Variants in RAPGEF6 observed in about 807,000 individuals in gnomAD.
The protein encoded by RAPGEF6 is Rap guanine nucleotide exchange factor 6.
A neutral mutation model predicts 171.4 loss-of-function variants in RAPGEF6; 56 were observed. That is an observed-to-expected ratio of 0.33 (90% CI 0.26 to 0.41). The LOEUF is 0.41. RAPGEF6 is among the 10% of genes least tolerant of loss of function. The probability of loss-of-function intolerance (pLI) is 1.00; values close to 1 mark genes in which losing one functional copy is unlikely to be tolerated. For synonymous variants in RAPGEF6, 692 were observed against 650.1 expected, an observed-to-expected ratio of 1.06 and a Z score of -0.98; for missense variants, 1,674 against 1,921.4, an observed-to-expected ratio of 0.87 and a Z score of 2.41.
chr5:131,553,627 G>A (rs1300515240), intron 5 of RAPGEF6, among the ~76,000 whole-genome samples: 3 of 152,080 alleles, frequency 2.0e-5, no homozygotes, highest in Admixed American at 2.0e-4. Flanking sequence ...AAATGAAAAT[G>A]TTAGAAACAA....
intron 3 of RAPGEF6, among the ~76,000 whole-genome samples, chr5:131,600,470 C>T (rs571428400): frequency 1.9e-4 from 29 of 150,108 alleles, no homozygotes; most frequent in Admixed American, 1.5e-3. Context: ...TGTAGTAAGC[C>T]GAGATCGCGC....
At chr5:131,579,929 A>G (rs1225552738) in intron 4 of RAPGEF6, among the ~76,000 whole-genome samples, 1 of 152,218 alleles carries the variant, frequency 6.6e-6, no homozygotes, top group Non-Finnish European at 1.5e-5. Context: ...TAGACATAAA[A>G]GTTCTCCAAG....
intron 19 of RAPGEF6, among the ~76,000 whole-genome samples, chr5:131,457,912 T>C (rs1753631815): frequency 1.3e-5 from 2 of 152,298 alleles, no homozygotes; most frequent in African/African-American, 2.4e-5. Flanking sequence ...AAAATTAGAT[T>C]GTTTAACTCA....
intron 15 of RAPGEF6, 97 bp downstream of exon 15, chr5:131,489,449 C>CT (rs1756135664): frequency 4.3e-6 from 3 of 700,420 alleles, no homozygotes; most frequent in Non-Finnish European, 7.2e-6. Context: ...TAGACAAAAA[C>CT]ATGTTTATAT....
At chr5:131,438,222 T>C (rs1198434312) in intron 24 of RAPGEF6, among the ~76,000 whole-genome samples, 1 of 152,232 alleles carries the variant, frequency 6.6e-6, no homozygotes, top group African/African-American at 2.4e-5. Context: ...ACTCCTGACC[T>C]CAGGCGATCC....
At chr5:131,440,263 G>C (rs1366656332) in intron 23 of RAPGEF6, 6 of 456,032 alleles carry the variant, frequency 1.3e-5, no homozygotes, top group Non-Finnish European at 2.6e-5. Context: ...AAAAAATCAT[G>C]AATGTATAGA....
chr5:131,580,788 TCTGA>T (rs1265876112), intron 4 of RAPGEF6, among the ~76,000 whole-genome samples: 2 of 152,136 alleles, frequency 1.3e-5, no homozygotes, highest in Non-Finnish European at 2.9e-5. Flanking sequence ...CATTTCCAGT[TCTGA>T]CTGACACAAG....
rs552648968 is a variant in RAPGEF6, at chr5:131,561,329, A to G, written c.351+649T>C. Among the ~76,000 whole-genome samples, 322 of 152,290 alleles carry G rather than the reference A, an allele frequency of 2.1e-3. 2 individuals are homozygous for G. The highest frequency in any genetic ancestry group is 7.5e-3 in the African/African-American group (313 of 41,566). On this transcript the variant is annotated intron_variant, in intron 5 of 27. Transcript: ENST00000509018. ...CTAGGGCACAGACTATAGAATTCAAAGTTTATTGAAAAAGTAAAATTGAAT... is the reference window on the plus strand; with the variant it reads ...CTAGGGCACAGACTATAGAATTCAAGGTTTATTGAAAAAGTAAAATTGAAT...
intron 23 of RAPGEF6, 27 bp downstream of exon 23, chr5:131,442,322 G>T (rs1315179858): frequency 6.4e-7 from 1 of 1,558,090 alleles, no homozygotes; most frequent in Non-Finnish European, 8.7e-7. Flanking sequence ...CAGGTAAACG[G>T]ATGTAATATT....
chr5:131,432,831 T>A (rs964973940), intron 25 of RAPGEF6, among the ~76,000 whole-genome samples: 1 of 152,180 alleles, frequency 6.6e-6, no homozygotes, highest in African/African-American at 2.4e-5. Context: ...TAGAAATCTT[T>A]ATAAATGTGG....
At chr5:131,566,944 T>C (rs971493455) in intron 4 of RAPGEF6, among the ~76,000 whole-genome samples, 3 of 151,644 alleles carry the variant, frequency 2.0e-5, no homozygotes, top group Admixed American at 2.0e-4. Context: ...AAATACAAAA[T>C]TTATCTGGGC....
chr5:131,521,289 T>C, intron 7 of RAPGEF6, 101 bp downstream of exon 7: 2 of 1,246,600 alleles, frequency 1.6e-6, no homozygotes, highest in Non-Finnish European at 2.2e-6. Context: ...ACGCTTGAAT[T>C]TCATACTCTA....
chr5:131,487,902 T>C lies in RAPGEF6; in HGVS notation c.1840+1644A>G, dbSNP rs547932547. On this transcript the variant is annotated intron_variant, in intron 15 of 27. Coordinates refer to ENST00000509018, the MANE Select transcript of RAPGEF6 (RefSeq NM_016340.6). ...CATCTAGAGTAAAATGCTCCATTTCTACAAATATTTTACAAATATTCCTTT... is the reference window on the plus strand; with the variant it reads ...CATCTAGAGTAAAATGCTCCATTTCCACAAATATTTTACAAATATTCCTTT... 7.9e-5 allele frequency among the ~76,000 whole-genome samples: 12 copies of C among 152,356 alleles called. No individual in the cohort carries two copies. In the South Asian group the frequency reaches 1.0e-3, roughly 13 times the overall value.
At chr5:131,451,909 G>A (rs922077933) in intron 21 of RAPGEF6, among the ~76,000 whole-genome samples, 1 of 152,114 alleles carries the variant, frequency 6.6e-6, no homozygotes, top group East Asian at 1.9e-4. Flanking sequence ...AAACCACAAT[G>A]TCTTATTTAC....
At chr5:131,576,923 A>C (rs1448326259) in intron 4 of RAPGEF6, among the ~76,000 whole-genome samples, 1 of 152,152 alleles carries the variant, frequency 6.6e-6, no homozygotes, top group East Asian at 1.9e-4. Flanking sequence ...TCAGGGTTCC[A>C]TCTGCTACTC....
At chr5:131,629,663 G>T (rs1441881914) in intron 1 of RAPGEF6, among the ~76,000 whole-genome samples, 8 of 151,676 alleles carry the variant, frequency 5.3e-5, no homozygotes, top group African/African-American at 1.9e-4. Context: ...GGCTGAGGTG[G>T]GGTCACTTGA....
At position 131,475,170 on chromosome 5, in the gene RAPGEF6, T is replaced by C. The variant is rs577396354; in HGVS notation, c.2082-2426A>G. Among the ~76,000 whole-genome samples the C allele has an allele frequency of 4.6e-5, 7 of 152,350 alleles. No homozygotes were observed. In the East Asian group the frequency reaches 1.3e-3, roughly 29 times the overall value. On this transcript the variant is annotated intron_variant, in intron 16 of 27. Transcript: ENST00000509018. ...GTGTGAGGTGCATAAATGAAAACTA[T>C]ACTGCTATGTACAATCCATGCTATG...
intron 6 of RAPGEF6, among the ~76,000 whole-genome samples, chr5:131,535,265 CA>C: frequency 6.6e-6 from 1 of 152,212 alleles, no homozygotes; most frequent in Admixed American, 6.5e-5. Flanking sequence ...GGCCAAATTC[CA>C]TACTCAACAC....
intron 4 of RAPGEF6, among the ~76,000 whole-genome samples, chr5:131,584,683 TG>T (rs1161752032): frequency 2.0e-5 from 3 of 152,336 alleles, no homozygotes; most frequent in Admixed American, 6.5e-5. Flanking sequence ...TTAGCATTTC[TG>T]ATGATTCATC....
Sources: gnomAD v4.1 joint callset for allele counts (sites outside exome capture counted in the v4.1 genomes callset) on GRCh38, gnomAD v4.1.1 for gene constraint, MANE v1.5 for transcripts, NCBI Gene and HGNC (gene_info 2026-07-23, HGNC 2026-07-21) for gene names.